RBFOX1: variants seen among roughly 807,000 people sequenced by gnomAD.
RBFOX1 encodes RNA binding protein fox-1 homolog 1.
A neutral mutation model predicts 57.7 loss-of-function variants in RBFOX1; 8 were observed. The observed-to-expected ratio is 0.14, with a 90% CI of 0.08 to 0.25. The LOEUF is 0.25. Among genes scored for constraint, RBFOX1 ranks in the 10% least tolerant of loss-of-function variants. RBFOX1 has a pLI of 1.00. For synonymous variants in RBFOX1, 326 were observed against 222.4 expected (o/e 1.47, Z -4.15); for missense variants, 611 against 548.5 (o/e 1.11, Z -1.14).
chr16:5,516,365 T>G lies in RBFOX1; in HGVS notation c.258+49111T>G, dbSNP rs193081086. Among the ~76,000 whole-genome samples, 14 of 152,308 alleles carry G rather than the reference T, an allele frequency of 9.2e-5. No homozygotes were observed. The East Asian group carries it at 2.3e-3, about 25-fold the overall frequency. ...GTCTCCCATTATTTTCTGTCTTCCA[T>G]CACTTCCTGTCTCACATTATTTCTT... On this transcript the variant is annotated intron_variant, in intron 2 of 2. Transcript: ENST00000585867.
chr16:5,800,612 G>C (rs2055025750), intron 3 of RBFOX1, among the ~76,000 whole-genome samples: 1 of 152,166 alleles, frequency 6.6e-6, no homozygotes, highest in South Asian at 2.1e-4. Context: ...ATGTGACCCA[G>C]TGACTCAGGG....
At chr16:6,934,833 C>T (rs963337231) in intron 3 of RBFOX1, among the ~76,000 whole-genome samples, 3 of 152,038 alleles carry the variant, frequency 2.0e-5, no homozygotes, top group African/African-American at 7.3e-5. Flanking sequence ...TGCAGGTAAT[C>T]CCAGCACTTT....
At chr16:7,377,650 C>G (rs2097708846) in intron 4 of RBFOX1, among the ~76,000 whole-genome samples, 2 of 152,170 alleles carry the variant, frequency 1.3e-5, no homozygotes. Flanking sequence ...ATGACTCATT[C>G]ATTTATTTGT....
In RBFOX1 at chr16:6,685,111, A is replaced by C. The variant is rs371847288; in HGVS notation, c.-16+30461A>C. On this transcript the variant is annotated intron_variant, in intron 3 of 15. Transcript: ENST00000550418. ...CATCATTTCCCTATTTCCTGTCCAG[A>C]AAGGAATGCTAAATAAATACGAGCT... Among the ~76,000 whole-genome samples, 6 of 152,290 alleles carry C rather than the reference A, an allele frequency of 3.9e-5. No individual in the cohort carries two copies. The East Asian group carries it at 9.7e-4, about 24-fold the overall frequency.
At chr16:6,869,203 C>T (rs1235208367) in intron 3 of RBFOX1, among the ~76,000 whole-genome samples, 1 of 152,192 alleles carries the variant, frequency 6.6e-6, no homozygotes, top group Non-Finnish European at 1.5e-5. Flanking sequence ...CCTTCCCCCA[C>T]TTGCCATTAT....
At chr16:7,097,395 G>A (rs1044157584) in intron 4 of RBFOX1, among the ~76,000 whole-genome samples, 19 of 152,086 alleles carry the variant, frequency 1.2e-4, no homozygotes, top group Non-Finnish European at 5.9e-5. Flanking sequence ...ATCAACCCCA[G>A]TATCAAAGAT....
intron 3 of RBFOX1, among the ~76,000 whole-genome samples, chr16:7,002,509 G>C (rs55902534): frequency 0.19 from 28,697 of 152,078 alleles, 3,236 homozygotes; most frequent in Middle Eastern, 0.33. Flanking sequence ...GTCAGGAGTT[G>C]GAGACCAGCC....
At chr16:6,222,473 T>C (rs2097381133) in intron 1 of RBFOX1, among the ~76,000 whole-genome samples, 1 of 151,684 alleles carries the variant, frequency 6.6e-6, no homozygotes, top group Admixed American at 6.6e-5. Flanking sequence ...GACAATTGCA[T>C]CATGACCATG....
intron 14 of RBFOX1, among the ~76,000 whole-genome samples, chr16:7,683,479 G>A (rs1356554405): frequency 6.6e-6 from 1 of 151,966 alleles, no homozygotes; most frequent in Non-Finnish European, 1.5e-5. Context: ...TTTAAAAAAA[G>A]AACCAATCCT....
At chr16:6,642,329 C>G (rs146968283) in intron 2 of RBFOX1, among the ~76,000 whole-genome samples, 255 of 152,306 alleles carry the variant, frequency 1.7e-3, no homozygotes, top group Non-Finnish European at 3.0e-3. Flanking sequence ...TGGGTAATTA[C>G]TTTTACAGTT....
intron 2 of RBFOX1, among the ~76,000 whole-genome samples, chr16:6,410,878 G>T (rs925304996): frequency 2.6e-5 from 4 of 152,168 alleles, no homozygotes; most frequent in African/African-American, 9.7e-5. Flanking sequence ...CTGAGCTTCA[G>T]GTTTCTCAGC....
chr16:5,454,854 TTTTCTTTCTTTCTTTCTTTCTTTC>T (rs200680272), intron 1 of RBFOX1, among the ~76,000 whole-genome samples: 908 of 67,474 alleles, frequency 0.013, 17 homozygotes, highest in East Asian at 0.025. Flanking sequence ...TCTTTCTTTC[TTTTCTTTCTTTCTTTCTTTCTTTC>T]TTTCTTTCTT....
intron 3 of RBFOX1, among the ~76,000 whole-genome samples, chr16:6,933,341 T>A (rs868385948): frequency 6.6e-6 from 1 of 152,256 alleles, no homozygotes; most frequent in African/African-American, 2.4e-5. Context: ...CTGCATCATT[T>A]TGCATTTCCG....
intron 4 of RBFOX1, among the ~76,000 whole-genome samples, chr16:5,982,018 A>G (rs148647104): frequency 1.3e-5 from 2 of 152,204 alleles, no homozygotes; most frequent in South Asian, 2.1e-4. Context: ...CAAGGAGTCT[A>G]TGCAGATTGA....
At chr16:7,649,380 T>C (rs971333733) in intron 11 of RBFOX1, among the ~76,000 whole-genome samples, 1 of 151,998 alleles carries the variant, frequency 6.6e-6, no homozygotes. Flanking sequence ...ACTCCTAAAG[T>C]CTGGGTCTGT....
In RBFOX1 at chr16:7,381,104, A is replaced by C. The variant is rs1311163682; in HGVS notation, c.28-137043A>C. 4.6e-5 allele frequency among the ~76,000 whole-genome samples: 7 copies of C among 152,366 alleles called. No homozygotes were observed. The East Asian group carries it at 1.2e-3, about 25-fold the overall frequency. ...GAGATGTTATGCGTCAAACAAACCC[A>C]GTGTTCTGGCTTCACAGCAGAGTAA... On this transcript the variant is annotated intron_variant, in intron 4 of 15. Transcript: ENST00000550418.
intron 3 of RBFOX1, among the ~76,000 whole-genome samples, chr16:5,686,182 G>C (rs538538578): frequency 6.6e-6 from 1 of 152,164 alleles, no homozygotes; most frequent in African/African-American, 2.4e-5. Flanking sequence ...ATGGAATGTA[G>C]AAATGTATCA....
Position 7,315,456 on chromosome 16 carries a change from A to ACCCCCCCCCC in RBFOX1, c.28-202689_28-202680dup, listed in dbSNP as rs34625153. Among the ~76,000 whole-genome samples the ACCCCCCCCCC allele has an allele frequency of 7.3e-5, 9 of 123,758 alleles. 1 individual carries two copies. Among genetic ancestry groups the ACCCCCCCCCC allele is most frequent in the Non-Finnish European group, 1.3e-4 (7 of 53,832 alleles). The allele number at this position is 123,758 out of a possible 152,430, so 81.2% of individuals were successfully genotyped here. On this transcript the variant is annotated intron_variant, in intron 4 of 15. Transcript: ENST00000550418. ...AATGATTAAAGCCCTACTCTACCCT[A>ACCCCCCCCCC]CCCCCCCCCCCATACTGGGGGCTTG...
chr16:7,463,336 T>G (rs1255882741), intron 4 of RBFOX1, among the ~76,000 whole-genome samples: 1 of 152,172 alleles, frequency 6.6e-6, no homozygotes, highest in African/African-American at 2.4e-5. Context: ...TAACCACATT[T>G]CTACTAAAAA....
Sources: gnomAD v4.1 joint callset for allele counts (sites outside exome capture counted in the v4.1 genomes callset) on GRCh38, gnomAD v4.1.1 for gene constraint, MANE v1.5 for transcripts, NCBI Gene and HGNC (gene_info 2026-07-23, HGNC 2026-07-21) for gene names.